ATP2B2: variants seen among roughly 807,000 people sequenced by gnomAD.
ATP2B2 encodes the protein plasma membrane calcium-transporting ATPase 2.
Under a neutral mutation model 120.0 loss-of-function variants are expected in ATP2B2, and 15 were observed. That is an observed-to-expected ratio of 0.12 (90% CI 0.08 to 0.19). The LOEUF (loss-of-function observed/expected upper bound fraction) is 0.19, where lower values mean the gene tolerates loss of function less well. Among genes scored for constraint, ATP2B2 ranks in the 10% least tolerant of loss-of-function variants. ATP2B2 has a pLI of 1.00. For synonymous variants in ATP2B2, 694 were observed against 700.3 expected (o/e 0.99, Z 0.14); for missense variants, 1,045 against 1,719.8 (o/e 0.61, Z 6.94).
intron 2 of ATP2B2, among the ~76,000 whole-genome samples, chr3:10,440,474 G>A (rs1445487918): frequency 2.0e-5 from 3 of 152,170 alleles, no homozygotes; most frequent in Admixed American, 6.5e-5. Flanking sequence ...GTAGTTCATG[G>A]GCTGGAGTCC....
chr3:10,662,958 T>C (rs1037051434), intron 1 of ATP2B2, among the ~76,000 whole-genome samples: 1 of 151,966 alleles, frequency 6.6e-6, no homozygotes, highest in African/African-American at 2.4e-5. Context: ...TGGATGAAGC[T>C]GGAAACCATC....
intron 1 of ATP2B2, among the ~76,000 whole-genome samples, chr3:10,658,944 A>G (rs1445149601): frequency 6.6e-6 from 1 of 152,192 alleles, no homozygotes; most frequent in Non-Finnish European, 1.5e-5. Context: ...AATATTCAAC[A>G]TTCTTAAAGA....
upstream of ATP2B2, among the ~76,000 whole-genome samples, chr3:10,510,424 T>C (rs554006853): frequency 6.5e-4 from 99 of 152,384 alleles, 2 homozygotes; most frequent in African/African-American, 2.2e-3. Flanking sequence ...AAATAGGAAC[T>C]GCAGGAGGCC....
intron 1 of ATP2B2, among the ~76,000 whole-genome samples, chr3:10,499,155 C>T (rs1034305921): frequency 3.9e-5 from 6 of 152,218 alleles, no homozygotes; most frequent in African/African-American, 7.2e-5. Flanking sequence ...CAATTTCTGG[C>T]GAGGCCCTGA....
intron 3 of ATP2B2, among the ~76,000 whole-genome samples, chr3:10,530,173 G>A (rs575031480): frequency 6.6e-6 from 1 of 152,294 alleles, no homozygotes; most frequent in African/African-American, 2.4e-5. Flanking sequence ...GGCGCCTGAG[G>A]TCCTCACCAT....
chr3:10,336,186 C>T (rs1408877383), intron 22 of ATP2B2: 13 of 1,550,540 alleles, frequency 8.4e-6, no homozygotes, highest in Middle Eastern at 1.7e-4. Flanking sequence ...GACAACGACA[C>T]GCGACTAGGG....
chr3:10,488,088 T>C (rs1426798852), intron 1 of ATP2B2, among the ~76,000 whole-genome samples: 2 of 151,876 alleles, frequency 1.3e-5, no homozygotes, highest in Non-Finnish European at 2.9e-5. Context: ...TATCCATCTA[T>C]CCATCCATCC....
At chr3:10,659,875 C>G (rs1318131647) in intron 1 of ATP2B2, among the ~76,000 whole-genome samples, 1 of 138,772 alleles carries the variant, frequency 7.2e-6, no homozygotes, top group African/African-American at 3.3e-5. Flanking sequence ...TGTAAAATAA[C>G]AGAAATTATA....
At chr3:10,591,185 G>T (rs1333886507) in intron 2 of ATP2B2, among the ~76,000 whole-genome samples, 1 of 152,084 alleles carries the variant, frequency 6.6e-6, no homozygotes, top group Non-Finnish European at 1.5e-5. Context: ...CTGTAAACAG[G>T]TCTTCTGTGA....
In ATP2B2 at chr3:10,342,489, C is replaced by T. The variant is rs116168069; in HGVS notation, c.2917+263G>A. ...TTCAGCACCCGGTCAGGGCCTTGCA[C>T]GGTCTGTACTTGTTGCCAGGAGCTG... On this transcript the variant is annotated intron_variant, in intron 19 of 22. Transcript: ENST00000360273. The surrounding 1 kb of genome is among the most constrained non-coding windows in gnomAD (Gnocchi z 4.4). 4.7e-3 allele frequency among the ~76,000 whole-genome samples: 711 copies of T among 152,294 alleles called. 3 individuals carry two copies. The highest frequency in any genetic ancestry group is 0.016 in the African/African-American group (655 of 41,562).
chr3:10,691,066 A>G (rs1292717771), intron 1 of ATP2B2, among the ~76,000 whole-genome samples: 1 of 152,238 alleles, frequency 6.6e-6, no homozygotes, highest in Non-Finnish European at 1.5e-5. Context: ...CTTTCTAACC[A>G]GATGCTTTCA....
At chr3:10,354,609 C>T (rs187099445) in intron 14 of ATP2B2, among the ~76,000 whole-genome samples, 3 of 152,338 alleles carry the variant, frequency 2.0e-5, no homozygotes, top group African/African-American at 7.2e-5. Context: ...TGACTTCAAT[C>T]AGCCTTGGAA....
At chr3:10,544,123 C>T (rs890227428) in intron 2 of ATP2B2, among the ~76,000 whole-genome samples, 1 of 152,126 alleles carries the variant, frequency 6.6e-6, no homozygotes, top group Non-Finnish European at 1.5e-5. Flanking sequence ...TTTCTCAAAC[C>T]TCAGTCAATC....
At chr3:10,663,290 C>T (rs1326449775) in intron 1 of ATP2B2, among the ~76,000 whole-genome samples, 14 of 152,050 alleles carry the variant, frequency 9.2e-5, no homozygotes, top group Admixed American at 9.2e-4. Flanking sequence ...TCAGTTCCCT[C>T]ATCTGGAAAT....
chr3:10,432,888 T>C (rs1443838571), intron 2 of ATP2B2, among the ~76,000 whole-genome samples: 1 of 152,112 alleles, frequency 6.6e-6, no homozygotes, highest in African/African-American at 2.4e-5. Flanking sequence ...TTAGATTCTC[T>C]GATGTCTCTG....
intron 3 of ATP2B2, among the ~76,000 whole-genome samples, chr3:10,527,320 T>C (rs529154377): frequency 1.3e-5 from 2 of 152,230 alleles, no homozygotes; most frequent in South Asian, 4.1e-4. Context: ...AAATAGGAAC[T>C]GTTACCACCA....
At chr3:10,574,217 C>T (rs188696620) in intron 2 of ATP2B2, among the ~76,000 whole-genome samples, 7 of 152,270 alleles carry the variant, frequency 4.6e-5, no homozygotes, top group South Asian at 4.1e-4. Context: ...CTCCGATGCC[C>T]GCTGAGCCTA....
chr3:10,462,151 C>T (rs368595593), intron 1 of ATP2B2, among the ~76,000 whole-genome samples: 3 of 152,206 alleles, frequency 2.0e-5, no homozygotes, highest in Non-Finnish European at 2.9e-5. Flanking sequence ...CTTTCCACCA[C>T]GGCCTTTCTC....
intron 2 of ATP2B2, among the ~76,000 whole-genome samples, chr3:10,573,733 T>C (rs1386073364): frequency 2.6e-5 from 4 of 152,096 alleles, no homozygotes; most frequent in Non-Finnish European, 1.5e-5. Flanking sequence ...ACTCTCTGGG[T>C]TCCTATCTAC....
Sources: allele counts gnomAD v4.1 joint callset (sites outside exome capture counted in the v4.1 genomes callset), GRCh38; gene constraint gnomAD v4.1.1; non-coding constraint Gnocchi (gnomAD v3.1); transcripts MANE v1.5; gene names NCBI Gene and HGNC (gene_info 2026-07-23, HGNC 2026-07-21).